TMEM218: variants seen among roughly 807,000 people sequenced by gnomAD.
TMEM218 encodes transmembrane protein 218.
A neutral mutation model predicts 10.0 loss-of-function variants in TMEM218; 8 were observed. The ratio of observed to expected loss-of-function variants is 0.80; its 90% CI spans 0.47 to 1.44. TMEM218 has a LOEUF of 1.44. Among genes scored for constraint, TMEM218 ranks in the 40% most tolerant of loss-of-function variants. The pLI is 0.00. For synonymous variants in TMEM218, 66 were observed against 63.5 expected (o/e 1.04, Z -0.18); for missense variants, 110 against 140.1 (o/e 0.79, Z 1.08).
In TMEM218 at chr11:125,108,698, G is replaced by T. The variant is rs1249210519; in HGVS notation, c.-153+2841C>A. On this transcript the variant is annotated intron_variant, in intron 1 of 4. Coordinates refer to ENST00000682305, the MANE Select transcript of TMEM218 (RefSeq NM_001258244.2). This position sits in a 1 kb window ranked among gnomAD's most constrained non-coding sequence, Gnocchi z 5.3. ...TTTTCCTCTGATTTACATTAGAGTT[G>T]CATTCCTGGAAATTTTACTATATTA... Among the ~76,000 whole-genome samples, 2 of 152,154 alleles carry T rather than the reference G, an allele frequency of 1.3e-5. No homozygotes were observed. Among genetic ancestry groups the T allele is most frequent in the Non-Finnish European group, 2.9e-5 (2 of 68,016 alleles).
In TMEM218 at chr11:125,096,136, T is replaced by C. The variant is rs1439815065; in HGVS notation, c.*1470A>G. ...GAAGTTTTCTGTACAAAGCCTTATC[T>C]GCAAAGTTTTTCCAAACTAAGTAAG... On this transcript the variant is annotated 3_prime_UTR_variant, in exon 5 of 5. Coordinates refer to ENST00000682305, the MANE Select transcript of TMEM218 (RefSeq NM_001258244.2). 6.6e-6 allele frequency among the ~76,000 whole-genome samples: 1 copy of C among 152,202 alleles called. No homozygotes were observed. Among genetic ancestry groups the C allele is most frequent in the Non-Finnish European group, 1.5e-5 (1 of 68,046 alleles).
chr11:125,101,060 T>G, intron 4 of TMEM218, 141 bp downstream of exon 4: 1 of 637,158 alleles, frequency 1.6e-6, no homozygotes. Context: ...CCCTCTGAAC[T>G]TTCCCCGTCA....
intron 4 of TMEM218, 25 bp downstream of exon 4, chr11:125,101,176 G>A: frequency 6.3e-7 from 1 of 1,597,702 alleles, no homozygotes; most frequent in South Asian, 1.1e-5. Flanking sequence ...CAGCTCAGGA[G>A]GCAAAACGAA....
rs1034758591 is a variant in TMEM218, at chr11:125,094,799, G to T, written c.*2807C>A. 3.3e-5 allele frequency among the ~76,000 whole-genome samples: 5 copies of T among 152,168 alleles called. No individual in the cohort carries two copies. Among genetic ancestry groups the T allele is most frequent in the African/African-American group, 1.2e-4 (5 of 41,426 alleles). On this transcript the variant is annotated 3_prime_UTR_variant, in exon 5 of 5. Transcript: ENST00000682305. ...AATAAAAACATTTAAAAATAAATTG[G>T]ATGCCCTCCTTCCAGGAAGCAGTGA...
intron 1 of TMEM218, chr11:125,104,828 T>C (rs1390136742): frequency 6.6e-6 from 1 of 152,148 alleles, no homozygotes; most frequent in African/African-American, 2.4e-5. Context: ...AGCAAACACA[T>C]AAATGTTCAA....
At chr11:125,107,503 T>C (rs1423729969) in intron 1 of TMEM218, among the ~76,000 whole-genome samples, 4 of 152,166 alleles carry the variant, frequency 2.6e-5, no homozygotes, top group African/African-American at 9.6e-5. Flanking sequence ...ATGAAATTAC[T>C]GTTTGTATTT....
At chr11:125,107,896 A>G (rs1952654876) in intron 1 of TMEM218, among the ~76,000 whole-genome samples, 1 of 151,624 alleles carries the variant, frequency 6.6e-6, no homozygotes, top group Non-Finnish European at 1.5e-5. Flanking sequence ...AAAAAAAAAA[A>G]AAAGAGAGAG....
intron 3 of TMEM218, chr11:125,101,868 AC>A: frequency 1.9e-6 from 1 of 516,366 alleles, no homozygotes; most frequent in Non-Finnish European, 3.3e-6. Flanking sequence ...ACATACACAT[AC>A]AGCCTCAAGA....
chr11:125,097,206 T>C lies in TMEM218; in HGVS notation c.*400A>G, dbSNP rs1047044486. 4 of 154,076 alleles carry C rather than the reference T, an allele frequency of 2.6e-5. No individual in the cohort carries two copies. The highest frequency in any genetic ancestry group is 9.6e-5 in the African/African-American group (4 of 41,514). The allele number at this position is 154,076 out of a possible 1,614,324, so 9.5% of individuals were successfully genotyped here. A position where few individuals can be genotyped will look rare whatever the true frequency, so the allele number is the denominator to read the frequency against. On this transcript the variant is annotated 3_prime_UTR_variant, in exon 5 of 5. Coordinates refer to ENST00000682305, the MANE Select transcript of TMEM218 (RefSeq NM_001258244.2). ...TGAGTGCCTCTCCTTTGCAAACAAC[T>C]GCAACCTCATAATGAATAATTTTAT...
chr11:125,097,652 T>C lies in TMEM218; in HGVS notation c.302A>G (p.His101Arg). Residue 101 changes from histidine (H) to arginine (R), a missense_variant, in exon 5 of 5, where the codon CAT becomes CGT. Transcript: ENST00000682305. ...GGCATAGATCGGCTCCAGAACATAA[T>C]GGATTAAAACCAAGAAGAGGCCTCC... ...FLGGLFLVLI[H>R]YVLEPIYAKP... 1.2e-6 allele frequency: 2 copies of C among 1,614,086 alleles called. No individual in the cohort carries two copies. The highest frequency in any genetic ancestry group is 1.7e-6 in the Non-Finnish European group (2 of 1,179,996).
chr11:125,101,638 G>A (rs1950810465), intron 3 of TMEM218: 2 of 668,352 alleles, frequency 3.0e-6, no homozygotes, highest in Non-Finnish European at 4.9e-6. Context: ...GAATACTTTA[G>A]AAAATTCTAC....
Position 125,097,390 on chromosome 11 carries a change from C to T in TMEM218, c.*216G>A. 1 of 453,168 alleles carries T rather than the reference C, an allele frequency of 2.2e-6. No homozygotes were observed. The highest frequency in any genetic ancestry group is 3.9e-6 in the Non-Finnish European group (1 of 259,386). The allele number at this position is 453,168 out of a possible 1,614,324, so 28.1% of individuals were successfully genotyped here. On this transcript the variant is annotated 3_prime_UTR_variant, in exon 5 of 5. Transcript: ENST00000682305. ...ACGGGTACTAAGAAGATAGCAATAT[C>T]CTTCTTAAGCTGGTAAGAATCTAGC...
intron 3 of TMEM218, 25 bp from the exon 4 acceptor site, chr11:125,101,328 A>G: frequency 1.3e-6 from 2 of 1,599,776 alleles, no homozygotes; most frequent in Non-Finnish European, 1.7e-6. Context: ...ACAAATTATT[A>G]AAAGCACTGT....
Position 125,095,492 on chromosome 11 carries a change from C to T in TMEM218, c.*2114G>A, listed in dbSNP as rs946488830. The stretch of plus-strand genomic sequence containing the variant: ...CCTTCTACGTCTTATCCCAACCCTG[C>T]GGGGCTTTTTTTGCATAACTGCATT... On this transcript the variant is annotated 3_prime_UTR_variant, in exon 5 of 5. Coordinates refer to ENST00000682305, the MANE Select transcript of TMEM218 (RefSeq NM_001258244.2). Among the ~76,000 whole-genome samples the T allele has an allele frequency of 6.6e-6, 1 of 152,156 alleles. No individual in the cohort carries two copies. The highest frequency in any genetic ancestry group is 2.4e-5 in the African/African-American group (1 of 41,426).
Position 125,097,568 on chromosome 11 carries a change from TGAA to T in TMEM218, c.*35_*37del, listed in dbSNP as rs374953319. ...TTCCTGCTCATCAATGTCATCACAA[TGAA>T]GGAGAGAACAGGTTTTCGTTTTCCT... On this transcript the variant is annotated 3_prime_UTR_variant, in exon 5 of 5. Coordinates refer to ENST00000682305, the MANE Select transcript of TMEM218 (RefSeq NM_001258244.2). The T allele has an allele frequency of 7.5e-4, 1,202 of 1,607,674 alleles. 10 individuals carry two copies. The African/African-American group carries it at 0.014, about 19-fold the overall frequency.
intron 3 of TMEM218, 82 bp from the exon 4 acceptor site, chr11:125,101,385 GGA>G: frequency 6.6e-7 from 1 of 1,515,274 alleles, no homozygotes; most frequent in Non-Finnish European, 8.9e-7. Context: ...TCTCTTCCTT[GGA>G]GCCAATATTC....
intron 1 of TMEM218, 25 bp from the exon 2 acceptor site, chr11:125,102,834 C>G: frequency 3.1e-6 from 2 of 651,982 alleles, no homozygotes; most frequent in South Asian, 3.6e-5. Flanking sequence ...ACAGCCATCA[C>G]TATTTTTGAA....
chr11:125,110,094 G>A (rs187413477), intron 1 of TMEM218, among the ~76,000 whole-genome samples: 1 of 152,320 alleles, frequency 6.6e-6, no homozygotes, highest in East Asian at 1.9e-4. Flanking sequence ...TGCTATAGAG[G>A]AAGAGAGAAC....
At chr11:125,109,444 T>C (rs1953137687) in intron 1 of TMEM218, among the ~76,000 whole-genome samples, 2 of 152,238 alleles carry the variant, frequency 1.3e-5, no homozygotes, top group African/African-American at 2.4e-5. Flanking sequence ...AAATCTGTGA[T>C]GTTTTATTTC....
Sources: allele counts gnomAD v4.1 joint callset (sites outside exome capture counted in the v4.1 genomes callset), GRCh38; gene constraint gnomAD v4.1.1; non-coding constraint Gnocchi (gnomAD v3.1); transcripts MANE v1.5; gene names NCBI Gene and HGNC (gene_info 2026-07-23, HGNC 2026-07-21).